ZSWIM4: variants seen among roughly 807,000 people sequenced by gnomAD.
ZSWIM4 encodes zinc finger SWIM-type containing 4.
ZSWIM4 carries 62 observed loss-of-function variants against 102.5 expected under a neutral mutation model. The observed-to-expected ratio is 0.60, with a 90% CI of 0.49 to 0.75. ZSWIM4 has a LOEUF of 0.75. ZSWIM4 is among the 30% of genes least tolerant of loss of function. ZSWIM4 has a pLI of 0.00. For synonymous variants in ZSWIM4, 652 were observed against 674.5 expected, an observed-to-expected ratio of 0.97 and a Z score of 0.52; for missense variants, 1,280 against 1,529.6, an observed-to-expected ratio of 0.84 and a Z score of 2.72.
intron 3 of ZSWIM4, among the ~76,000 whole-genome samples, chr19:13,806,632 C>G (rs997737499): frequency 6.6e-6 from 1 of 151,168 alleles, no homozygotes; most frequent in African/African-American, 2.4e-5. Context: ...CTACTACACT[C>G]CAACCTGATG....
At chr19:13,802,437 A>C (rs1974798831) in intron 2 of ZSWIM4, among the ~76,000 whole-genome samples, 1 of 151,472 alleles carries the variant, frequency 6.6e-6, no homozygotes, top group South Asian at 2.1e-4. Flanking sequence ...AAAATTAGCC[A>C]GGTGTGGTGG....
intron 12 of ZSWIM4, among the ~76,000 whole-genome samples, chr19:13,827,628 T>TG (rs1259684906): frequency 1.9e-4 from 27 of 142,172 alleles, no homozygotes; most frequent in African/African-American, 7.1e-4. Flanking sequence ...AAAAAGAAAC[T>TG]GGGGACCTTC....
rs545264477 is a variant in ZSWIM4, at chr19:13,805,105, T to C, written c.669T>C (p.Ala223=). ...TEVLPTAQRL[A]DEILLLGSEI... ...TGCTGCCCACTGCTCAGCGCTTGGC[T>C]GATGAGATCCTCCTGCTGGGCTCCG... Residue 223 remains alanine, a synonymous_variant, in exon 3 of 14, where the codon GCT becomes GCC. Coordinates refer to ENST00000590508, the MANE Select transcript of ZSWIM4 (RefSeq NM_001367834.3). 6.2e-7 allele frequency: 1 copy of C among 1,602,712 alleles called. No homozygotes were observed. Among genetic ancestry groups the C allele is most frequent in the East Asian group, 2.2e-5 (1 of 44,868 alleles).
At chr19:13,806,915 A>T (rs1017671972) in intron 3 of ZSWIM4, among the ~76,000 whole-genome samples, 1 of 152,016 alleles carries the variant, frequency 6.6e-6, no homozygotes, top group Non-Finnish European at 1.5e-5. Flanking sequence ...CGCTTTGTGT[A>T]GGGTGGATGG....
chr19:13,810,908 C>CATT lies in ZSWIM4; in HGVS notation c.1012+1688_1012+1689insATT, dbSNP rs1568333524. 2.5e-4 allele frequency among the ~76,000 whole-genome samples: 34 copies of CATT among 133,902 alleles called. 1 individual carries two copies. The highest frequency in any genetic ancestry group is 1.0e-3 in the African/African-American group (33 of 32,896). 87.8% of individuals were successfully genotyped at this position (133,902 alleles called of 152,430 possible). Reference sequence around the variant, plus strand: ...TACAGGCGTGAGCCACCACGCCCAGCCTTTTTTTTTTTTTTTTTTTTTTGA... The same window carrying CATT: ...TACAGGCGTGAGCCACCACGCCCAGCATTCTTTTTTTTTTTTTTTTTTTTTTGA... On this transcript the variant is annotated intron_variant, in intron 5 of 13. Coordinates refer to ENST00000590508, the MANE Select transcript of ZSWIM4 (RefSeq NM_001367834.3).
intron 1 of ZSWIM4, 30 bp downstream of exon 1, chr19:13,795,831 G>T (rs747343123): frequency 8.2e-7 from 1 of 1,216,314 alleles, no homozygotes; most frequent in Non-Finnish European, 1.0e-6. Context: ...GCGGGGGCAG[G>T]GACGCACCCC....
chr19:13,804,843 A>C lies in ZSWIM4; in HGVS notation c.407A>C (p.Glu136Ala), dbSNP rs1454918757. 6.2e-7 allele frequency: 1 copy of C among 1,609,580 alleles called. No individual in the cohort carries two copies. Among genetic ancestry groups the C allele is most frequent in the Non-Finnish European group, 8.5e-7 (1 of 1,177,028 alleles). Residue 136 changes from glutamate to alanine, a missense_variant, in exon 3 of 14, where the codon GAG (glutamate) becomes GCG (alanine). Transcript: ENST00000590508. ...IREPGSPGEP[E>A]RLYHVSISFD... ...GAGCCAGGGAGTCCTGGAGAGCCCG[A>C]GCGCCTCTACCATGTCTCCATCAGC... is the stretch of plus-strand genomic sequence containing the variant.
chr19:13,825,654 C>G lies in ZSWIM4; in HGVS notation c.2320C>G (p.Pro774Ala). ...LAQDACKTAT[P>A]VSAPPDTTLL... ...GCAGGACGCCTGCAAGACAGCCACCCCGGTCAGCGCCCCACCAGACACCAC... is the reference window on the plus strand; with the variant it reads ...GCAGGACGCCTGCAAGACAGCCACCGCGGTCAGCGCCCCACCAGACACCAC... The change falls in exon 12 of 14, where the codon CCG becomes GCG. Residue 774 changes from proline (P) to alanine (A), a missense_variant. By Grantham distance (27) the Pro-to-Ala change is conservative. Transcript: ENST00000590508. The surrounding 1 kb of genome is among the most constrained non-coding windows in gnomAD (Gnocchi z 4.6). The G allele has an allele frequency of 1.7e-5, 27 of 1,613,580 alleles. No individual in the cohort carries two copies. The highest frequency in any genetic ancestry group is 2.3e-5 in the Non-Finnish European group (27 of 1,180,024).
intron 2 of ZSWIM4, among the ~76,000 whole-genome samples, chr19:13,801,687 TC>T (rs35595095): frequency 0.42 from 60,710 of 145,630 alleles, 15,009 homozygotes; most frequent in African/African-American, 0.71. Context: ...TTTTTTTTTT[TC>T]CGAGATGGAG....
In ZSWIM4 at chr19:13,830,273, G is replaced by A. The variant is rs750974903; in HGVS notation, c.2544G>A (p.Thr848=). ...PVEAATIVAV[T]GTTHATLLRL... The stretch of plus-strand genomic sequence containing the variant: ...AGGCGGCTACCATCGTGGCAGTGAC[G>A]GGCACCACACACGCCACTCTGCTGC... Residue 848 remains threonine (T), a synonymous_variant, in exon 14 of 14, where the codon ACG becomes ACA. Coordinates refer to ENST00000590508, the MANE Select transcript of ZSWIM4 (RefSeq NM_001367834.3). 3.3e-5 allele frequency: 53 copies of A among 1,613,780 alleles called. No individual in the cohort carries two copies. In the South Asian group the frequency reaches 5.3e-4, roughly 16 times the overall value.
Position 13,814,630 on chromosome 19 carries a change from C to A in ZSWIM4, c.1296C>A (p.Ala432=). Residue 432 remains alanine, a synonymous_variant, in exon 7 of 14, where the codon GCC becomes GCA. Transcript: ENST00000590508. ...WNDAYLQRIL[A]SDSYGPSLTG... Reference sequence around the variant, plus strand: ...ACGCCTACCTGCAGAGGATCCTGGCCAGTGACTCCTACGGGCCCAGCCTCA... The same window carrying A: ...ACGCCTACCTGCAGAGGATCCTGGCAAGTGACTCCTACGGGCCCAGCCTCA... 1 of 1,257,186 alleles carries A rather than the reference C, an allele frequency of 8.0e-7. No homozygotes were observed. The highest frequency in any genetic ancestry group is 1.0e-6 in the Non-Finnish European group (1 of 966,410). 77.9% of individuals were successfully genotyped at this position (1,257,186 alleles called of 1,614,324 possible).
chr19:13,827,972 G>C (rs888901911), intron 12 of ZSWIM4, among the ~76,000 whole-genome samples: 1 of 152,148 alleles, frequency 6.6e-6, no homozygotes, highest in Non-Finnish European at 1.5e-5. Flanking sequence ...TCTATGAGGT[G>C]GGATCTGGGG....
At chr19:13,819,183 C>T (rs1056320204) in intron 9 of ZSWIM4, among the ~76,000 whole-genome samples, 174 bp from the exon 10 acceptor site, 5 of 152,116 alleles carry the variant, frequency 3.3e-5, no homozygotes, top group African/African-American at 9.7e-5. Context: ...ATTTGGATTA[C>T]CCAGAGATTG....
intron 3 of ZSWIM4, among the ~76,000 whole-genome samples, chr19:13,806,029 C>T (rs749151721): frequency 1.3e-4 from 20 of 148,314 alleles, no homozygotes; most frequent in Non-Finnish European, 2.2e-4. Context: ...TGTGGAAAAA[C>T]GAATGGGTGG....
chr19:13,797,859 G>A (rs1379706531), intron 1 of ZSWIM4, among the ~76,000 whole-genome samples: 1 of 152,112 alleles, frequency 6.6e-6, no homozygotes, highest in Non-Finnish European at 1.5e-5. Context: ...CACCATGTTG[G>A]CCAGGCTGGT....
At chr19:13,812,762 G>A (rs565866317) in intron 5 of ZSWIM4, among the ~76,000 whole-genome samples, 3 of 151,928 alleles carry the variant, frequency 2.0e-5, no homozygotes, top group East Asian at 1.9e-4. Context: ...GAGTCATCAC[G>A]CCTGACCCTC....
chr19:13,804,342 T>C (rs1274473702), intron 2 of ZSWIM4, among the ~76,000 whole-genome samples: 1 of 148,068 alleles, frequency 6.8e-6, no homozygotes, highest in Non-Finnish European at 1.5e-5. Flanking sequence ...TGGTGGCGCA[T>C]GCCTGTAATC....
rs1425299644 is a variant in ZSWIM4, at chr19:13,831,562, G to A, written c.*512G>A. Reference sequence around the variant, plus strand: ...GCTCACCCCCACTGAAGGAATTGAAGAGGCCTCAGGCCTCAGCCTCATACC... The same window carrying A: ...GCTCACCCCCACTGAAGGAATTGAAAAGGCCTCAGGCCTCAGCCTCATACC... On this transcript the variant is annotated 3_prime_UTR_variant, in exon 14 of 14. Coordinates refer to ENST00000590508, the MANE Select transcript of ZSWIM4 (RefSeq NM_001367834.3). The A allele has an allele frequency of 1.3e-5, 2 of 150,448 alleles. No individual in the cohort carries two copies. The highest frequency in any genetic ancestry group is 2.9e-5 in the Non-Finnish European group (2 of 68,598). 9.3% of individuals were successfully genotyped at this position (150,448 alleles called of 1,614,324 possible).
At chr19:13,826,356 G>A (rs1416607330) in intron 12 of ZSWIM4, among the ~76,000 whole-genome samples, 2 of 152,012 alleles carry the variant, frequency 1.3e-5, no homozygotes, top group Admixed American at 1.3e-4. Context: ...GAGCTTCCTT[G>A]GGGGCAGGGC....
Sources: allele counts gnomAD v4.1 joint callset (sites outside exome capture counted in the v4.1 genomes callset), GRCh38; gene constraint gnomAD v4.1.1; non-coding constraint Gnocchi (gnomAD v3.1); transcripts MANE v1.5; gene names NCBI Gene and HGNC (gene_info 2026-07-23, HGNC 2026-07-21).